The following WWP1 variants were observed in gnomAD, a reference collection of about 807,000 sequenced individuals.
WWP1 encodes the protein WW domain containing E3 ubiquitin protein ligase 1, also known as NEDD4-like E3 ubiquitin-protein ligase WWP1.
WWP1 carries 49 observed loss-of-function variants against 130.6 expected under a neutral mutation model. The observed-to-expected ratio is 0.38, with a 90% CI of 0.30 to 0.48. The LOEUF is 0.48. Among genes scored for constraint, WWP1 ranks in the 20% least tolerant of loss-of-function variants. The pLI, the probability that WWP1 is intolerant of heterozygous loss-of-function variation, is 0.99. For synonymous variants in WWP1, 332 were observed against 367.8 expected (o/e 0.90, Z 1.11); for missense variants, 809 against 1,100.6 (o/e 0.74, Z 3.75).
At chr8:86,349,169 G>T (rs1334769970) in intron 1 of WWP1, among the ~76,000 whole-genome samples, 1 of 152,116 alleles carries the variant, frequency 6.6e-6, no homozygotes, top group African/African-American at 2.4e-5. Flanking sequence ...TTACAGGCGT[G>T]CACCACCATG....
chr8:86,403,603 G>A (rs1477600259), intron 8 of WWP1, among the ~76,000 whole-genome samples: 1 of 152,076 alleles, frequency 6.6e-6, no homozygotes, highest in Non-Finnish European at 1.5e-5. Flanking sequence ...ACAGTAATAA[G>A]TCTTAATTGT....
intron 5 of WWP1, among the ~76,000 whole-genome samples, chr8:86,397,477 G>A (rs904273651): frequency 1.3e-5 from 2 of 151,938 alleles, no homozygotes; most frequent in Admixed American, 6.5e-5. Context: ...TAGAATTTTA[G>A]CAATTTTGAA....
At chr8:86,382,504 G>A (rs1458688893) in intron 5 of WWP1, among the ~76,000 whole-genome samples, 2 of 152,146 alleles carry the variant, frequency 1.3e-5, no homozygotes, top group East Asian at 1.9e-4. Flanking sequence ...TTCAAGACCA[G>A]TCTGACCAAC....
chr8:86,346,908 C>G (rs1447148090), intron 1 of WWP1, among the ~76,000 whole-genome samples: 2 of 152,128 alleles, frequency 1.3e-5, no homozygotes, highest in South Asian at 4.1e-4. Context: ...TATAGCATTT[C>G]ACATTTGTAA....
intron 1 of WWP1, among the ~76,000 whole-genome samples, chr8:86,352,253 G>C (rs908097242): frequency 2.6e-5 from 4 of 151,530 alleles, no homozygotes; most frequent in African/African-American, 4.9e-5. Flanking sequence ...TTAAGACAGA[G>C]TCTTACTGTC....
At chr8:86,390,716 G>A (rs374816849) in intron 5 of WWP1, among the ~76,000 whole-genome samples, 2 of 149,378 alleles carry the variant, frequency 1.3e-5, no homozygotes, top group Admixed American at 6.6e-5. Context: ...ACGGGAGAGG[G>A]GGAGGGAGAG....
chr8:86,457,491 G>T (rs1281149831), intron 21 of WWP1, among the ~76,000 whole-genome samples: 1 of 151,408 alleles, frequency 6.6e-6, no homozygotes, highest in Non-Finnish European at 1.5e-5. Flanking sequence ...GTGTATGTGT[G>T]TATTTACACA....
At chr8:86,362,256 A>G (rs561972990) in intron 1 of WWP1, among the ~76,000 whole-genome samples, 1 of 130,704 alleles carries the variant, frequency 7.7e-6, no homozygotes, top group South Asian at 2.5e-4. Flanking sequence ...AGTTTCTTTG[A>G]TTATTGATCA....
chr8:86,388,807 A>G (rs1167669664), intron 5 of WWP1, among the ~76,000 whole-genome samples: 1 of 152,168 alleles, frequency 6.6e-6, no homozygotes, highest in Admixed American at 6.5e-5. Flanking sequence ...AAAGTTTTTC[A>G]TAGAACATAA....
At chr8:86,441,883 T>C (rs1330642378) in intron 17 of WWP1, among the ~76,000 whole-genome samples, 3 of 152,214 alleles carry the variant, frequency 2.0e-5, no homozygotes, top group Non-Finnish European at 2.9e-5. Context: ...AAATTGCTAT[T>C]GAAAAGAACC....
intron 5 of WWP1, among the ~76,000 whole-genome samples, chr8:86,390,763 A>C (rs1807279626): frequency 6.6e-6 from 1 of 151,950 alleles, no homozygotes; most frequent in East Asian, 2.0e-4. Flanking sequence ...AGGGAGAAGA[A>C]TATGTGGTTT....
chr8:86,379,967 A>G (rs1169134206), intron 3 of WWP1, among the ~76,000 whole-genome samples: 1 of 152,196 alleles, frequency 6.6e-6, no homozygotes, highest in Admixed American at 6.5e-5. Context: ...GCAGTTACTC[A>G]ACAGAGGGTT....
At chr8:86,367,521 C>G (rs969571908) in intron 1 of WWP1, among the ~76,000 whole-genome samples, 1 of 152,082 alleles carries the variant, frequency 6.6e-6, no homozygotes, top group Admixed American at 6.6e-5. Flanking sequence ...CTGGAAATGT[C>G]GTTTATTATC....
Position 86,451,462 on chromosome 8 carries a change from T to C in WWP1, c.2274-1097T>C, listed in dbSNP as rs545165555. On this transcript the variant is annotated intron_variant, in intron 20 of 24. Coordinates refer to ENST00000517970, the MANE Select transcript of WWP1 (RefSeq NM_007013.4). ...AAACACTGAGTAAGGTGTACTCTTA[T>C]AATGAGTGTGGTGGTAAAGGGAGGA... Among the ~76,000 whole-genome samples, 12 of 152,216 alleles carry C rather than the reference T, an allele frequency of 7.9e-5. 1 individual carries two copies. In the Middle Eastern group the frequency reaches 0.014, roughly 173 times the overall value.
At chr8:86,391,655 G>A (rs1175089593) in intron 5 of WWP1, among the ~76,000 whole-genome samples, 1 of 151,892 alleles carries the variant, frequency 6.6e-6, no homozygotes, top group African/African-American at 2.4e-5. Flanking sequence ...TTGTATAGAG[G>A]TTACTGGGTC....
chr8:86,461,237 C>CA lies in WWP1; in HGVS notation c.2514dup (p.Asp839ArgfsTer3). 1 of 1,613,816 alleles carries CA rather than the reference C, an allele frequency of 6.2e-7. No individual in the cohort carries two copies. Among genetic ancestry groups the CA allele is most frequent in the Non-Finnish European group, 8.5e-7 (1 of 1,179,798 alleles). ...ATTTCATTACAGTTTGTGAAAGAGA[C>CA]AGACAATGAAGTAAGAATGCGACTA... On this transcript the variant is annotated frameshift_variant, in exon 23 of 25. Coordinates refer to ENST00000517970, the MANE Select transcript of WWP1 (RefSeq NM_007013.4). LOFTEE classifies it high-confidence loss of function.
intron 2 of WWP1, among the ~76,000 whole-genome samples, chr8:86,373,391 A>G (rs4332109): frequency 0.04 from 6,129 of 152,060 alleles, 179 homozygotes; most frequent in African/African-American, 0.069. Context: ...TGCTTGACTT[A>G]TGATTAATTG....
At chr8:86,443,759 A>T (rs1489074667) in intron 18 of WWP1, among the ~76,000 whole-genome samples, 2 of 152,236 alleles carry the variant, frequency 1.3e-5, no homozygotes, top group Admixed American at 1.3e-4. Flanking sequence ...AATTGAAGAA[A>T]GCTAGGGACT....
Position 86,461,789 on chromosome 8 carries a change from A to G in WWP1, c.2612A>G (p.Gln871Arg). 6.2e-7 allele frequency: 1 copy of G among 1,614,060 alleles called. No homozygotes were observed. The change falls in exon 24 of 25, where the codon CAA becomes CGA. Residue 871 changes from glutamine to arginine, a missense_variant. By Grantham distance (43) the Gln-to-Arg change is conservative. Coordinates refer to ENST00000517970, the MANE Select transcript of WWP1 (RefSeq NM_007013.4). ...FAELMGSNGP[Q>R]KFCIEKVGKD... Reference sequence around the variant, plus strand: ...CTTGGTGTAGGAAGTAATGGGCCTCAAAAGTTTTGCATTGAAAAAGTTGGC... The same window carrying G: ...CTTGGTGTAGGAAGTAATGGGCCTCGAAAGTTTTGCATTGAAAAAGTTGGC...
Sources: gnomAD v4.1 joint callset for allele counts (sites outside exome capture counted in the v4.1 genomes callset) on GRCh38, gnomAD v4.1.1 for gene constraint, MANE v1.5 for transcripts, NCBI Gene and HGNC (gene_info 2026-07-23, HGNC 2026-07-21) for gene names.